The following FERMT2 variants were observed in gnomAD, a reference collection of about 807,000 sequenced individuals.
FERMT2 encodes fermitin family homolog 2.
Under a neutral mutation model 82.7 loss-of-function variants are expected in FERMT2, and 15 were observed. That is an observed-to-expected ratio of 0.18 (90% CI 0.12 to 0.28). The LOEUF is 0.28. Among genes scored for constraint, FERMT2 ranks in the 10% least tolerant of loss-of-function variants. FERMT2 has a pLI of 1.00. For synonymous variants in FERMT2, 274 were observed against 271.5 expected (o/e 1.01, Z -0.09); for missense variants, 645 against 809.4 (o/e 0.80, Z 2.46).
chr14:52,866,532 C>A (rs979379141), intron 10 of FERMT2, among the ~76,000 whole-genome samples: 1 of 152,144 alleles, frequency 6.6e-6, no homozygotes, highest in Non-Finnish European at 1.5e-5. Flanking sequence ...GTAAATAAAT[C>A]CCTCTAACTT....
At chr14:52,886,008 C>T (rs1270391929) in intron 4 of FERMT2, among the ~76,000 whole-genome samples, 1 of 149,064 alleles carries the variant, frequency 6.7e-6, no homozygotes, top group East Asian at 2.0e-4. Flanking sequence ...GGAAGTAACA[C>T]ATTAAAATTT....
At chr14:52,859,869 G>C (rs1594920891) in intron 13 of FERMT2, 155 bp from the exon 14 acceptor site, 1 of 408,214 alleles carries the variant, frequency 2.4e-6, no homozygotes, top group East Asian at 4.0e-5. Flanking sequence ...CCAGGCTGGA[G>C]TGCAGTGGCG....
At chr14:52,880,895 A>G in intron 6 of FERMT2, 141 bp downstream of exon 6, 1 of 560,368 alleles carries the variant, frequency 1.8e-6, no homozygotes, top group Non-Finnish European at 3.1e-6. Context: ...ACCTTTGCCT[A>G]AAAGTTTGGG....
At chr14:52,893,166 G>A (rs1324974234) in intron 4 of FERMT2, 127 bp downstream of exon 4, 2 of 781,462 alleles carry the variant, frequency 2.6e-6, no homozygotes, top group Non-Finnish European at 3.9e-6. Context: ...CTGGCTAATT[G>A]AAGTTTTTGT....
chr14:52,888,222 C>G lies in FERMT2; in HGVS notation c.526+5071G>C, dbSNP rs561499995. Among the ~76,000 whole-genome samples, 495 of 152,194 alleles carry G rather than the reference C, an allele frequency of 3.3e-3. 5 individuals carry two copies. Among genetic ancestry groups the G allele is most frequent in the African/African-American group, 0.011 (461 of 41,520 alleles). The stretch of plus-strand genomic sequence containing the variant: ...GCTTATTTGTGATTTTGGTTTGCAA[C>G]CCACTTTCCTACCAAACGAAAGTAT... On this transcript the variant is annotated intron_variant, in intron 4 of 14. Coordinates refer to ENST00000341590, the MANE Select transcript of FERMT2 (RefSeq NM_006832.3).
intron 9 of FERMT2, among the ~76,000 whole-genome samples, chr14:52,873,328 T>C (rs1396589084): frequency 1.3e-5 from 2 of 152,196 alleles, no homozygotes; most frequent in African/African-American, 4.8e-5. Flanking sequence ...CCTTGGAGCC[T>C]CTATAAAGAT....
At chr14:52,873,228 G>A (rs1193870659) in intron 9 of FERMT2, among the ~76,000 whole-genome samples, 1 of 152,166 alleles carries the variant, frequency 6.6e-6, no homozygotes. Context: ...CATGGGAAGG[G>A]TAGGAAAAGA....
At chr14:52,913,900 A>G (rs901982740) in intron 3 of FERMT2, among the ~76,000 whole-genome samples, 42 of 152,208 alleles carry the variant, frequency 2.8e-4, no homozygotes, top group African/African-American at 1.0e-3. Flanking sequence ...CAGTGAAGAT[A>G]GGTATAAGGA....
At chr14:52,875,074 A>T (rs1212559885) in intron 8 of FERMT2, 149 bp downstream of exon 8, 2 of 730,112 alleles carry the variant, frequency 2.7e-6, no homozygotes, top group Non-Finnish European at 4.3e-6. Context: ...CACTTTGCTC[A>T]AAGTTCCTGA....
chr14:52,859,045 C>G (rs139934662), intron 14 of FERMT2: 2 of 158,350 alleles, frequency 1.3e-5, no homozygotes, highest in Admixed American at 1.2e-4. Context: ...AAATGATACT[C>G]GTATACTCCA....
At chr14:52,897,252 G>A (rs904259001) in intron 3 of FERMT2, among the ~76,000 whole-genome samples, 2 of 151,912 alleles carry the variant, frequency 1.3e-5, no homozygotes, top group Non-Finnish European at 2.9e-5. Flanking sequence ...CTAATACTGA[G>A]CCCATTATAA....
intron 3 of FERMT2, among the ~76,000 whole-genome samples, chr14:52,906,505 C>A (rs529436042): frequency 6.6e-6 from 1 of 150,428 alleles, no homozygotes; most frequent in Admixed American, 6.6e-5. Flanking sequence ...AAAAATCCAG[C>A]CACTATGACG....
intron 2 of FERMT2, among the ~76,000 whole-genome samples, chr14:52,924,683 A>G (rs994363341): frequency 6.6e-6 from 1 of 152,198 alleles, no homozygotes; most frequent in African/African-American, 2.4e-5. Flanking sequence ...CAAATAAGAA[A>G]TACAGAAAAC....
At chr14:52,893,242 T>C in intron 4 of FERMT2, 51 bp downstream of exon 4, 2 of 1,504,396 alleles carry the variant, frequency 1.3e-6, no homozygotes, top group Non-Finnish European at 1.8e-6. Context: ...AAGACAAAGG[T>C]ACACAGTCCA....
intron 3 of FERMT2, among the ~76,000 whole-genome samples, chr14:52,901,382 A>C (rs1013837675): frequency 1.3e-5 from 2 of 152,054 alleles, no homozygotes; most frequent in Non-Finnish European, 2.9e-5. Context: ...AGAATACTGA[A>C]GTTTAATATC....
intron 4 of FERMT2, 62 bp from the exon 5 acceptor site, chr14:52,881,531 T>C (rs937224072): frequency 1.2e-5 from 14 of 1,175,626 alleles, no homozygotes; most frequent in African/African-American, 4.6e-5. Flanking sequence ...TTTTCAATAA[T>C]AACACATATT....
intron 2 of FERMT2, among the ~76,000 whole-genome samples, chr14:52,948,835 C>T (rs1364175139): frequency 6.6e-6 from 1 of 152,150 alleles, no homozygotes; most frequent in Non-Finnish European, 1.5e-5. Context: ...AAAATATCTC[C>T]TATTGAGACC....
At chr14:52,924,277 T>C (rs185843430) in intron 2 of FERMT2, among the ~76,000 whole-genome samples, 43 of 152,300 alleles carry the variant, frequency 2.8e-4, no homozygotes, top group African/African-American at 1.0e-3. Flanking sequence ...GTGCATGGTT[T>C]AGGTGTTACT....
intron 3 of FERMT2, among the ~76,000 whole-genome samples, chr14:52,901,282 A>C (rs919435509): frequency 1.4e-5 from 2 of 145,362 alleles, no homozygotes; most frequent in African/African-American, 5.1e-5. Context: ...CTCTGTCTCA[A>C]AAAAAAAAAA....
Sources: allele counts gnomAD v4.1 joint callset (sites outside exome capture counted in the v4.1 genomes callset), GRCh38; gene constraint gnomAD v4.1.1; transcripts MANE v1.5; gene names NCBI Gene and HGNC (gene_info 2026-07-23, HGNC 2026-07-21).